The following FRMD4A variants were observed in gnomAD, a reference collection of about 807,000 sequenced individuals.
The protein encoded by FRMD4A is FERM domain-containing protein 4A.
FRMD4A carries 29 observed loss-of-function variants against 129.1 expected under a neutral mutation model. The ratio of observed to expected loss-of-function variants is 0.22; its 90% confidence interval spans 0.17 to 0.31. FRMD4A has a LOEUF of 0.31. Ranked by LOEUF, FRMD4A falls within the 10% of genes least tolerant of loss-of-function variation. FRMD4A has a pLI of 1.00. For synonymous variants in FRMD4A, 634 were observed against 571.6 expected, an observed-to-expected ratio of 1.11 and a Z score of -1.56; for missense variants, 1,272 against 1,375.8, an observed-to-expected ratio of 0.92 and a Z score of 1.19.
chr10:14,198,740 G>A (rs1357328341), intron 2 of FRMD4A, among the ~76,000 whole-genome samples: 1 of 152,126 alleles, frequency 6.6e-6, no homozygotes, highest in East Asian at 1.9e-4. Context: ...TCCACGGTGC[G>A]TTATCTTATA....
intron 2 of FRMD4A, among the ~76,000 whole-genome samples, chr10:14,106,203 C>G (rs1837578987): frequency 6.6e-6 from 1 of 152,160 alleles, no homozygotes; most frequent in African/African-American, 2.4e-5. Flanking sequence ...TGGAGTCAAA[C>G]AAATTTGATA....
intron 2 of FRMD4A, among the ~76,000 whole-genome samples, chr10:14,279,489 G>A (rs965272333): frequency 6.6e-5 from 10 of 152,088 alleles, no homozygotes; most frequent in East Asian, 5.8e-4. Context: ...ATAAGCCACC[G>A]TGCCCAGCTG....
chr10:14,171,416 G>A (rs75656998), intron 2 of FRMD4A, among the ~76,000 whole-genome samples: 16 of 152,280 alleles, frequency 1.1e-4, no homozygotes, highest in African/African-American at 3.4e-4. Flanking sequence ...CCAAAGCTGT[G>A]CAATGGCTGT....
At chr10:13,685,344 T>C (rs2084970953) in intron 15 of FRMD4A, 2 of 984,668 alleles carry the variant, frequency 2.0e-6, no homozygotes, top group South Asian at 4.7e-5. Flanking sequence ...AGAGTGCAAA[T>C]GTAATTTAAC....
intron 24 of FRMD4A, 34 bp from the exon 25 acceptor site, chr10:13,647,069 T>C (rs2081165481): frequency 4.5e-6 from 2 of 442,112 alleles, no homozygotes; most frequent in Non-Finnish European, 5.7e-6. Flanking sequence ...ATGAGACAGT[T>C]AGTTAGTGGA....
At chr10:13,757,748 C>G (rs2091922626) in intron 8 of FRMD4A, among the ~76,000 whole-genome samples, 1 of 151,924 alleles carries the variant, frequency 6.6e-6, no homozygotes, top group Admixed American at 6.6e-5. Flanking sequence ...TTGACTTCGT[C>G]TTTTTTTTAT....
At chr10:14,013,749 T>C (rs1053873660) in intron 2 of FRMD4A, among the ~76,000 whole-genome samples, 5 of 151,992 alleles carry the variant, frequency 3.3e-5, no homozygotes, top group African/African-American at 1.2e-4. Context: ...CTGACCAACA[T>C]GGAGAAACCC....
intron 2 of FRMD4A, among the ~76,000 whole-genome samples, chr10:13,980,934 CAAGT>C (rs1220441917): frequency 6.6e-6 from 1 of 152,026 alleles, no homozygotes; most frequent in Non-Finnish European, 1.5e-5. Context: ...ATTCAAACTC[CAAGT>C]GAGTAAGAAA....
chr10:14,050,700 C>G (rs1834215719), intron 2 of FRMD4A, among the ~76,000 whole-genome samples: 1 of 152,084 alleles, frequency 6.6e-6, no homozygotes. Context: ...ATTTAACCAA[C>G]CACGCCTATG....
intron 12 of FRMD4A, among the ~76,000 whole-genome samples, chr10:13,713,759 G>A (rs543821267): frequency 1.4e-5 from 2 of 141,332 alleles, no homozygotes; most frequent in South Asian, 2.2e-4. Flanking sequence ...ACAGAAGTAG[G>A]TATATATACA....
intron 4 of FRMD4A, among the ~76,000 whole-genome samples, chr10:13,798,511 T>C (rs2093174676): frequency 6.6e-6 from 1 of 152,196 alleles, no homozygotes; most frequent in African/African-American, 2.4e-5. Context: ...GGTCAGGAGA[T>C]GGAGACCATC....
intron 8 of FRMD4A, among the ~76,000 whole-genome samples, chr10:13,759,786 C>T (rs1046938865): frequency 6.6e-6 from 1 of 152,138 alleles, no homozygotes; most frequent in African/African-American, 2.4e-5. Flanking sequence ...TTCAAGGTCT[C>T]CAGCCAAAGC....
chr10:13,775,816 G>A (rs1411448163), intron 6 of FRMD4A, among the ~76,000 whole-genome samples: 1 of 152,184 alleles, frequency 6.6e-6, no homozygotes, highest in African/African-American at 2.4e-5. Context: ...AGAACTACCC[G>A]ACGTAGCTGG....
intron 3 of FRMD4A, among the ~76,000 whole-genome samples, chr10:13,845,169 A>T (rs2094025094): frequency 6.6e-6 from 1 of 152,186 alleles, no homozygotes; most frequent in Admixed American, 6.5e-5. Context: ...ACATCACTGG[A>T]GCACAAAACC....
intron 2 of FRMD4A, among the ~76,000 whole-genome samples, chr10:13,953,273 T>C (rs1053807925): frequency 9.2e-5 from 14 of 152,188 alleles, no homozygotes; most frequent in Non-Finnish European, 1.6e-4. Flanking sequence ...TTGTGAACAT[T>C]TTCCCATAAC....
intron 8 of FRMD4A, among the ~76,000 whole-genome samples, chr10:13,753,918 T>C (rs1456558374): frequency 6.6e-6 from 1 of 152,220 alleles, no homozygotes; most frequent in African/African-American, 2.4e-5. Flanking sequence ...AGTCTCGTTT[T>C]CTGGGGTGAA....
At chr10:14,232,974 T>G (rs1401829089) in intron 2 of FRMD4A, among the ~76,000 whole-genome samples, 1 of 152,116 alleles carries the variant, frequency 6.6e-6, no homozygotes, top group East Asian at 1.9e-4. Flanking sequence ...ACAGATAGAG[T>G]TGTAGAGTAG....
At chr10:13,773,322 T>A (rs1479017592) in intron 6 of FRMD4A, among the ~76,000 whole-genome samples, 1 of 152,196 alleles carries the variant, frequency 6.6e-6, no homozygotes, top group Non-Finnish European at 1.5e-5. Flanking sequence ...AGACTTTCTC[T>A]TCTCAGCTTG....
intron 2 of FRMD4A, among the ~76,000 whole-genome samples, chr10:13,868,455 T>G (rs1022031553): frequency 6.6e-6 from 1 of 152,106 alleles, no homozygotes. Context: ...CTCTATGACC[T>G]CTGGCAAACG....
Sources: gnomAD v4.1 joint callset for allele counts (sites outside exome capture counted in the v4.1 genomes callset) on GRCh38, gnomAD v4.1.1 for gene constraint, MANE v1.5 for transcripts, NCBI Gene and HGNC (gene_info 2026-07-23, HGNC 2026-07-21) for gene names.